RALYL: variants seen among roughly 807,000 people sequenced by gnomAD.
The protein encoded by RALYL is RALY RNA binding protein like, also known as RNA-binding Raly-like protein.
Under a neutral mutation model 35.1 loss-of-function variants are expected in RALYL, and 29 were observed. That is an observed-to-expected ratio of 0.83 (90% CI 0.61 to 1.13). The LOEUF (loss-of-function observed/expected upper bound fraction) is 1.13, where lower values mean the gene tolerates loss of function less well. RALYL is among the 50% of genes most tolerant of loss of function. RALYL has a pLI of 0.00. For missense variants in RALYL, 359 were observed against 360.4 expected (o/e 1.00, Z 0.03); for synonymous variants, 120 against 127.6 (o/e 0.94, Z 0.40).
chr8:84,587,851 C>T (rs1440722993), intron 2 of RALYL, among the ~76,000 whole-genome samples: 4 of 152,090 alleles, frequency 2.6e-5, no homozygotes, highest in Admixed American at 2.0e-4. Flanking sequence ...TAACTGAGTA[C>T]ATGATGACAT....
At chr8:84,686,055 G>A (rs1211261493) in intron 2 of RALYL, among the ~76,000 whole-genome samples, 1 of 152,114 alleles carries the variant, frequency 6.6e-6, no homozygotes, top group Non-Finnish European at 1.5e-5. Context: ...GGACACAGCT[G>A]GTGCAGTTTT....
At chr8:84,365,822 A>G (rs958329096) in intron 1 of RALYL, among the ~76,000 whole-genome samples, 2 of 152,196 alleles carry the variant, frequency 1.3e-5, no homozygotes, top group African/African-American at 2.4e-5. Flanking sequence ...GATTGGCAGA[A>G]ACCACAGAAT....
intron 1 of RALYL, among the ~76,000 whole-genome samples, chr8:84,505,625 C>A (rs1041339231): frequency 6.6e-6 from 1 of 152,006 alleles, no homozygotes; most frequent in Non-Finnish European, 1.5e-5. Flanking sequence ...TATTGCACGA[C>A]ACTGAGGGTT....
chr8:84,207,824 A>G (rs574518442), intron 1 of RALYL, among the ~76,000 whole-genome samples: 3,213 of 88,486 alleles, frequency 0.036, 121 homozygotes, highest in African/African-American at 0.12. Context: ...GTGTGTGTAT[A>G]TATATATATA....
intron 2 of RALYL, among the ~76,000 whole-genome samples, chr8:84,615,537 C>T (rs1260462767): frequency 1.5e-5 from 2 of 133,848 alleles, no homozygotes; most frequent in Admixed American, 7.7e-5. Flanking sequence ...TAAGTCAATA[C>T]GTTCTAAGAG....
chr8:84,295,398 T>C (rs1033349217), intron 1 of RALYL, among the ~76,000 whole-genome samples: 3 of 152,178 alleles, frequency 2.0e-5, no homozygotes, highest in Non-Finnish European at 4.4e-5. Context: ...AGTCATGCTA[T>C]TGACAAAATA....
Position 84,595,276 on chromosome 8 carries a change from T to C in RALYL, c.256+65699T>C, listed in dbSNP as rs966515045. On this transcript the variant is annotated intron_variant, in intron 2 of 8. Coordinates refer to ENST00000521268, the MANE Select transcript of RALYL (RefSeq NM_173848.7). ...GAAAGTGTCTTTGAACACAATTACT[T>C]GTGTTGCCTATTGACTCATTAAGAG... 2.6e-5 allele frequency among the ~76,000 whole-genome samples: 4 copies of C among 152,162 alleles called. No homozygotes were observed. In the South Asian group the frequency reaches 8.3e-4, roughly 31 times the overall value.
At chr8:84,910,226 C>G (rs1213508304) in intron 8 of RALYL, among the ~76,000 whole-genome samples, 4 of 151,970 alleles carry the variant, frequency 2.6e-5, no homozygotes, top group Non-Finnish European at 5.9e-5. Flanking sequence ...TATGTACATT[C>G]TAAACATGGC....
intron 1 of RALYL, among the ~76,000 whole-genome samples, chr8:84,232,828 CTG>C (rs1191896198): frequency 2.0e-5 from 3 of 151,772 alleles, no homozygotes; most frequent in African/African-American, 4.8e-5. Flanking sequence ...CATATTATAA[CTG>C]TGTGGAATTA....
At chr8:84,185,485 C>G (rs187114922) in intron 1 of RALYL, among the ~76,000 whole-genome samples, 1 of 152,248 alleles carries the variant, frequency 6.6e-6, no homozygotes, top group African/African-American at 2.4e-5. Flanking sequence ...TTTTCAGAGA[C>G]GTACCAGTTG....
chr8:84,218,493 C>T (rs1821378754), intron 1 of RALYL, among the ~76,000 whole-genome samples: 1 of 151,980 alleles, frequency 6.6e-6, no homozygotes, highest in Non-Finnish European at 1.5e-5. Flanking sequence ...TAAATATGTC[C>T]TTAAAATTAC....
intron 2 of RALYL, among the ~76,000 whole-genome samples, chr8:84,664,811 C>T (rs2403018): frequency 0.19 from 29,491 of 151,904 alleles, 3,105 homozygotes; most frequent in Non-Finnish European, 0.23. Context: ...ACTTGAATGC[C>T]TTTATTTCTT....
At chr8:84,200,543 G>C (rs1816603487) in intron 1 of RALYL, among the ~76,000 whole-genome samples, 1 of 151,998 alleles carries the variant, frequency 6.6e-6, no homozygotes, top group Admixed American at 6.6e-5. Flanking sequence ...TTAACTATTT[G>C]CAAATAAGAG....
chr8:84,408,865 A>G (rs953681445), intron 1 of RALYL, among the ~76,000 whole-genome samples: 5 of 152,192 alleles, frequency 3.3e-5, no homozygotes, highest in African/African-American at 1.2e-4. Context: ...GATTTTCCAT[A>G]TTCTGTTTGC....
intron 1 of RALYL, among the ~76,000 whole-genome samples, chr8:84,278,644 A>C (rs962365898): frequency 3.3e-5 from 5 of 152,178 alleles, no homozygotes; most frequent in Non-Finnish European, 7.3e-5. Flanking sequence ...TCTCAAGTTC[A>C]AAGTTCCACA....
At chr8:84,425,435 C>T (rs1305667226) in intron 1 of RALYL, among the ~76,000 whole-genome samples, 1 of 152,184 alleles carries the variant, frequency 6.6e-6, no homozygotes, top group African/African-American at 2.4e-5. Context: ...ACCCACTGGC[C>T]TGCGCCCACT....
At chr8:84,567,286 T>C (rs985960753) in intron 2 of RALYL, among the ~76,000 whole-genome samples, 8 of 151,768 alleles carry the variant, frequency 5.3e-5, no homozygotes, top group Non-Finnish European at 8.8e-5. Context: ...TGCATAATGA[T>C]GGGGATTTGG....
rs534673216 is a variant in RALYL at position 84,388,968 on chromosome 8, G to A, written c.-23-140331G>A. 3.3e-5 allele frequency among the ~76,000 whole-genome samples: 5 copies of A among 152,142 alleles called. No homozygotes were observed. The South Asian group carries it at 1.0e-3, about 32-fold the overall frequency. On this transcript the variant is annotated intron_variant, in intron 1 of 8. Coordinates refer to ENST00000521268, the MANE Select transcript of RALYL (RefSeq NM_173848.7). ...CTAGGTTTTCTTCTAGGGTTTTTATGGTTTTAGGTCTAACATGTAAGTCTT... is the reference window on the plus strand; with the variant it reads ...CTAGGTTTTCTTCTAGGGTTTTTATAGTTTTAGGTCTAACATGTAAGTCTT...
At chr8:84,490,017 A>G (rs933565585) in intron 1 of RALYL, among the ~76,000 whole-genome samples, 1 of 151,642 alleles carries the variant, frequency 6.6e-6, no homozygotes, top group Non-Finnish European at 1.5e-5. Context: ...CAGTAACACA[A>G]TCAGATTTAC....
Sources: gnomAD v4.1 joint callset for allele counts (sites outside exome capture counted in the v4.1 genomes callset) on GRCh38, gnomAD v4.1.1 for gene constraint, MANE v1.5 for transcripts, NCBI Gene and HGNC (gene_info 2026-07-23, HGNC 2026-07-21) for gene names.